Variants in CFAP221 observed in about 807,000 individuals in gnomAD.
CFAP221 encodes the protein cilia- and flagella-associated protein 221.
Under a neutral mutation model 113.1 loss-of-function variants are expected in CFAP221, and 97 were observed. That is an observed-to-expected ratio of 0.86 (90% CI 0.73 to 1.02). The LOEUF (loss-of-function observed/expected upper bound fraction) is 1.02, where lower values mean the gene tolerates loss of function less well. Among genes scored for constraint, CFAP221 ranks in the 50% least tolerant of loss-of-function variants. The pLI is 0.00. For synonymous variants in CFAP221, 331 were observed against 354.4 expected (o/e 0.93, Z 0.74); for missense variants, 1,025 against 1,013.4 (o/e 1.01, Z -0.16).
At chr2:119,650,117 A>G (rs953141831) in intron 22 of CFAP221, among the ~76,000 whole-genome samples, 3 of 152,214 alleles carry the variant, frequency 2.0e-5, no homozygotes, top group African/African-American at 4.8e-5. Flanking sequence ...CTTTCACACC[A>G]TATATACTCA....
intron 19 of CFAP221, among the ~76,000 whole-genome samples, chr2:119,636,772 G>A (rs780124334): frequency 3.3e-5 from 5 of 152,164 alleles, no homozygotes; most frequent in Admixed American, 6.5e-5. Context: ...ACATGCATGC[G>A]TTAGTTTAGG....
intron 21 of CFAP221, among the ~76,000 whole-genome samples, 167 bp from the exon 22 acceptor site, chr2:119,646,791 C>T (rs549042847): frequency 6.6e-6 from 1 of 152,294 alleles, no homozygotes; most frequent in Admixed American, 6.5e-5. Context: ...CTATTGCATC[C>T]CCTGCCTTTG....
chr2:119,553,267 GC>G (rs1296194751), intron 3 of CFAP221, among the ~76,000 whole-genome samples: 2 of 152,160 alleles, frequency 1.3e-5, no homozygotes, highest in Non-Finnish European at 2.9e-5. Flanking sequence ...GGGATTTGGG[GC>G]CCAGAGAAAG....
At chr2:119,579,004 G>C (rs186002676) in intron 6 of CFAP221, among the ~76,000 whole-genome samples, 4 of 152,048 alleles carry the variant, frequency 2.6e-5, no homozygotes, top group Admixed American at 2.6e-4. Context: ...CTTCTAATAG[G>C]CATAAAATTT....
chr2:119,624,414 T>C (rs991479578), intron 14 of CFAP221, among the ~76,000 whole-genome samples: 69 of 152,344 alleles, frequency 4.5e-4, no homozygotes, highest in Non-Finnish European at 1.5e-4. Flanking sequence ...GCTTTTACAC[T>C]GTTGGTGGGC....
chr2:119,553,253 A>G (rs1680555229), intron 3 of CFAP221, among the ~76,000 whole-genome samples: 1 of 152,106 alleles, frequency 6.6e-6, no homozygotes, highest in Non-Finnish European at 1.5e-5. Context: ...GGAAGTGGGG[A>G]GAAGGGATTT....
chr2:119,654,342 A>C (rs985841998), intron 23 of CFAP221, among the ~76,000 whole-genome samples: 2 of 152,208 alleles, frequency 1.3e-5, no homozygotes, highest in African/African-American at 4.8e-5. Flanking sequence ...ACCTCAACAC[A>C]TAGATGCACT....
At chr2:119,594,093 C>T (rs1400351672) in intron 7 of CFAP221, among the ~76,000 whole-genome samples, 1 of 152,188 alleles carries the variant, frequency 6.6e-6, no homozygotes, top group African/African-American at 2.4e-5. Flanking sequence ...TCCTGAGCTC[C>T]ACCAGTTCTC....
At chr2:119,603,522 A>G (rs569374304) in intron 8 of CFAP221, among the ~76,000 whole-genome samples, 47 of 152,322 alleles carry the variant, frequency 3.1e-4, no homozygotes, top group African/African-American at 1.0e-3. Context: ...GTTCCATACA[A>G]TGCAACCAGG....
chr2:119,608,419 G>T (rs927800917), intron 11 of CFAP221, 83 bp from the exon 12 acceptor site: 3 of 1,073,788 alleles, frequency 2.8e-6, no homozygotes, highest in African/African-American at 3.2e-5. Flanking sequence ...TTTCAGTTTT[G>T]GAATATAGTG....
At chr2:119,556,504 T>C (rs1393920016) in intron 3 of CFAP221, among the ~76,000 whole-genome samples, 1 of 152,178 alleles carries the variant, frequency 6.6e-6, no homozygotes, top group Non-Finnish European at 1.5e-5. Context: ...ATCTATGTTG[T>C]TTTATTCTCT....
At chr2:119,547,993 T>C (rs772801609) in intron 2 of CFAP221, among the ~76,000 whole-genome samples, 1 of 152,178 alleles carries the variant, frequency 6.6e-6, no homozygotes, top group African/African-American at 2.4e-5. Flanking sequence ...TGAGACGGTG[T>C]TGTTCTGTTG....
intron 19 of CFAP221, among the ~76,000 whole-genome samples, chr2:119,634,808 G>T (rs958685898): frequency 6.6e-6 from 1 of 152,162 alleles, no homozygotes; most frequent in African/African-American, 2.4e-5. Context: ...GGTTATCAGA[G>T]GCTGAGAGAG....
intron 6 of CFAP221, among the ~76,000 whole-genome samples, chr2:119,581,733 G>A (rs540507976): frequency 6.6e-5 from 10 of 152,226 alleles, no homozygotes; most frequent in Non-Finnish European, 2.9e-5. Context: ...TATCTAGCAG[G>A]ATAAAGATAA....
intron 13 of CFAP221, among the ~76,000 whole-genome samples, chr2:119,612,192 T>C (rs576860475): frequency 6.6e-6 from 1 of 152,306 alleles, no homozygotes; most frequent in African/African-American, 2.4e-5. Context: ...GCCTTACTGT[T>C]CTCAAATCTA....
chr2:119,568,369 A>G (rs1681793525), intron 6 of CFAP221, among the ~76,000 whole-genome samples: 1 of 151,916 alleles, frequency 6.6e-6, no homozygotes, highest in Admixed American at 6.6e-5. Context: ...CATGTGCAGG[A>G]TGTGCAGGTT....
At chr2:119,629,844 T>G in intron 16 of CFAP221, 31 bp from the exon 17 acceptor site, 1 of 1,532,630 alleles carries the variant, frequency 6.5e-7, no homozygotes, top group South Asian at 1.1e-5. Context: ...CAGTGGTGAT[T>G]GTTCTCTTTT....
At chr2:119,644,586 G>T (rs1459739964) in intron 21 of CFAP221, among the ~76,000 whole-genome samples, 2 of 152,052 alleles carry the variant, frequency 1.3e-5, no homozygotes, top group African/African-American at 4.8e-5. Flanking sequence ...CCAAAATCTG[G>T]GTGCTATGTA....
chr2:119,563,973 C>T (rs1681441835), intron 6 of CFAP221, among the ~76,000 whole-genome samples: 1 of 152,188 alleles, frequency 6.6e-6, no homozygotes. Flanking sequence ...AGATTTTAAT[C>T]CACTCAGTAG....
Sources: allele counts gnomAD v4.1 joint callset (sites outside exome capture counted in the v4.1 genomes callset), GRCh38; gene constraint gnomAD v4.1.1; transcripts MANE v1.5; gene names NCBI Gene and HGNC (gene_info 2026-07-23, HGNC 2026-07-21).